The following EPHB1 variants were observed in gnomAD, a reference collection of about 807,000 sequenced individuals.
EPHB1 encodes the protein ephrin type-B receptor 1.
EPHB1 carries 30 observed loss-of-function variants against 94.4 expected under a neutral mutation model. The ratio of observed to expected loss-of-function variants is 0.32; its 90% confidence interval spans 0.24 to 0.43. The LOEUF is 0.43. Among genes scored for constraint, EPHB1 ranks in the 20% least tolerant of loss-of-function variants. EPHB1 has a pLI of 1.00. For synonymous variants in EPHB1, 522 were observed against 489.1 expected (o/e 1.07, Z -0.89); for missense variants, 1,055 against 1,308.3 (o/e 0.81, Z 2.99).
chr3:134,856,366 G>T (rs2037117735), intron 1 of EPHB1, among the ~76,000 whole-genome samples: 1 of 152,156 alleles, frequency 6.6e-6, no homozygotes, highest in Admixed American at 6.5e-5. Context: ...GGAGCTGACA[G>T]CCACATTTCA....
rs1295082745 is a variant in EPHB1 at position 134,846,115 on chromosome 3, C to T, written c.58+50426C>T. Among the ~76,000 whole-genome samples, 6 of 152,210 alleles carry T rather than the reference C, an allele frequency of 3.9e-5. 1 individual carries two copies. Among genetic ancestry groups the T allele is most frequent in the Admixed American group, 3.9e-4 (6 of 15,280 alleles). On this transcript the variant is annotated intron_variant, in intron 1 of 15. Transcript: ENST00000398015. ...AGTATGGTGTTGCATCCTTCAGGCA[C>T]TGCCTCTCCTTGGAGGCCCAGGGGA...
chr3:135,186,551 T>C (rs970721762), intron 10 of EPHB1, among the ~76,000 whole-genome samples: 4 of 152,222 alleles, frequency 2.6e-5, no homozygotes, highest in Non-Finnish European at 5.9e-5. Flanking sequence ...GCTTTCCTTT[T>C]TTTCCCCCCA....
chr3:134,876,676 G>A (rs2037623206), intron 1 of EPHB1, among the ~76,000 whole-genome samples: 1 of 152,178 alleles, frequency 6.6e-6, no homozygotes, highest in South Asian at 2.1e-4. Flanking sequence ...GTGGCTAATG[G>A]TTATGGCTGG....
At chr3:134,938,685 TC>T (rs1310307445) in intron 2 of EPHB1, among the ~76,000 whole-genome samples, 1 of 152,174 alleles carries the variant, frequency 6.6e-6, no homozygotes, top group Non-Finnish European at 1.5e-5. Flanking sequence ...TAAGTGTGTG[TC>T]CCCAGAGGGT....
chr3:134,868,581 TG>T (rs1167410622), intron 1 of EPHB1, among the ~76,000 whole-genome samples: 17 of 152,160 alleles, frequency 1.1e-4, no homozygotes, highest in Non-Finnish European at 2.2e-4. Context: ...AGCTGATCTT[TG>T]AAGAGGGAAA....
chr3:135,227,167 G>T (rs1943422295), intron 12 of EPHB1, among the ~76,000 whole-genome samples: 1 of 152,016 alleles, frequency 6.6e-6, no homozygotes, highest in African/African-American at 2.4e-5. Context: ...AAAAACAAAT[G>T]AAGTGCTTCA....
In EPHB1 at chr3:134,925,962, GA is replaced by G. The variant is rs1472499740; in HGVS notation, c.123+83del. 3.3e-6 allele frequency: 4 copies of G among 1,230,714 alleles called. No homozygotes were observed. The African/African-American group carries it at 6.1e-5, about 19-fold the overall frequency. 76.2% of individuals were successfully genotyped at this position (1,230,714 alleles called of 1,614,324 possible). ...TATCTAGGGGAGTAGAGACTACCCA[GA>G]GCAGTACCTGTGGGGAATGGAATAC... On this transcript the variant is annotated intron_variant, in intron 2 of 15. Coordinates refer to ENST00000398015, the MANE Select transcript of EPHB1 (RefSeq NM_004441.5).
intron 4 of EPHB1, among the ~76,000 whole-genome samples, chr3:135,112,489 T>C (rs1210780785): frequency 4.6e-5 from 7 of 151,726 alleles, no homozygotes; most frequent in African/African-American, 9.7e-5. Flanking sequence ...GCTGCACCCA[T>C]TAACTTGTCA....
intron 3 of EPHB1, among the ~76,000 whole-genome samples, chr3:135,089,351 G>A (rs900791918): frequency 1.4e-4 from 21 of 152,292 alleles, no homozygotes; most frequent in African/African-American, 4.3e-4. Flanking sequence ...GTTTCTTGGG[G>A]CTGTTGTGAG....
rs572201781 is a variant in EPHB1 at position 134,804,071 on chromosome 3, ATTTTTTTTTTTTTTT to A, written c.58+8403_58+8417del. Among the ~76,000 whole-genome samples the A allele has an allele frequency of 2.5e-3, 110 of 43,768 alleles. 3 individuals carry two copies. Among genetic ancestry groups the A allele is most frequent in the African/African-American group, 4.1e-3 (43 of 10,514 alleles). 28.7% of individuals were successfully genotyped at this position (43,768 alleles called of 152,430 possible). Reference sequence around the variant, plus strand: ...ACCCCCACTGTGGTCATTATTGGCTATTTTTTTTTTTTTTTTTTTTTTTTTTTTTTTTTTTGCTGC... The same window carrying A: ...ACCCCCACTGTGGTCATTATTGGCTATTTTTTTTTTTTTTTTTTTTGCTGC... On this transcript the variant is annotated intron_variant, in intron 1 of 15. Coordinates refer to ENST00000398015, the MANE Select transcript of EPHB1 (RefSeq NM_004441.5).
At chr3:134,895,860 C>A (rs1385321004) in intron 1 of EPHB1, among the ~76,000 whole-genome samples, 2 of 152,172 alleles carry the variant, frequency 1.3e-5, no homozygotes, top group African/African-American at 4.8e-5. Context: ...TTGAAATGAG[C>A]ATGGGTCCCT....
intron 1 of EPHB1, among the ~76,000 whole-genome samples, chr3:134,892,925 T>C (rs987112822): frequency 2.0e-5 from 3 of 152,144 alleles, no homozygotes; most frequent in Non-Finnish European, 4.4e-5. Flanking sequence ...CCCAGCTAGT[T>C]CAACACCATT....
intron 1 of EPHB1, among the ~76,000 whole-genome samples, chr3:134,903,663 A>G (rs77176336): frequency 0.011 from 1,741 of 152,150 alleles, 29 homozygotes; most frequent in African/African-American, 0.039. Flanking sequence ...ACCAGGTTTT[A>G]TTCTAGGGAT....
chr3:135,085,427 AG>A (rs1938324027), intron 3 of EPHB1, among the ~76,000 whole-genome samples: 1 of 152,204 alleles, frequency 6.6e-6, no homozygotes, highest in Admixed American at 6.5e-5. Flanking sequence ...ACACATGGAA[AG>A]CTTCTGGAGG....
At chr3:134,836,033 C>G (rs1416048318) in intron 1 of EPHB1, among the ~76,000 whole-genome samples, 1 of 152,218 alleles carries the variant, frequency 6.6e-6, no homozygotes, top group Non-Finnish European at 1.5e-5. Context: ...TTTGTGCCTT[C>G]TGTGGACACT....
At chr3:134,960,246 G>C (rs1415764146) in intron 3 of EPHB1, among the ~76,000 whole-genome samples, 1 of 152,122 alleles carries the variant, frequency 6.6e-6, no homozygotes, top group East Asian at 1.9e-4. Flanking sequence ...AGTAACTTGA[G>C]GGCTGTTGCA....
intron 1 of EPHB1, among the ~76,000 whole-genome samples, chr3:134,873,209 A>T (rs923495208): frequency 2.0e-5 from 3 of 152,200 alleles, no homozygotes; most frequent in African/African-American, 7.2e-5. Flanking sequence ...AGAGGTTATG[A>T]CAGCAGGCTT....
intron 1 of EPHB1, among the ~76,000 whole-genome samples, chr3:134,887,639 A>G (rs1389273408): frequency 6.6e-6 from 1 of 152,220 alleles, no homozygotes; most frequent in Non-Finnish European, 1.5e-5. Context: ...AAATCTGAAT[A>G]ATGAAAAAGA....
chr3:134,883,940 C>T (rs2037811852), intron 1 of EPHB1, among the ~76,000 whole-genome samples: 1 of 152,196 alleles, frequency 6.6e-6, no homozygotes, highest in East Asian at 1.9e-4. Context: ...CTCTGTGAAT[C>T]ATGATCCATT....
Sources: allele counts gnomAD v4.1 joint callset (sites outside exome capture counted in the v4.1 genomes callset), GRCh38; gene constraint gnomAD v4.1.1; transcripts MANE v1.5; gene names NCBI Gene and HGNC (gene_info 2026-07-23, HGNC 2026-07-21).